The following SH3RF3 variants were observed in gnomAD, a reference collection of about 807,000 sequenced individuals.
The protein encoded by SH3RF3 is SH3 domain containing ring finger 3.
SH3RF3 carries 29 observed loss-of-function variants against 66.3 expected under a neutral mutation model. The ratio of observed to expected loss-of-function variants is 0.44; its 90% CI spans 0.33 to 0.60. SH3RF3 has a LOEUF of 0.60. SH3RF3 is among the 20% of genes least tolerant of loss of function. SH3RF3 has a pLI of 0.04. For synonymous variants in SH3RF3, 583 were observed against 532.0 expected (o/e 1.10, Z -1.32); for missense variants, 1,194 against 1,190.9 (o/e 1.00, Z -0.04).
intron 1 of SH3RF3, among the ~76,000 whole-genome samples, chr2:109,185,419 A>C (rs1267223580): frequency 6.6e-6 from 1 of 152,250 alleles, no homozygotes; most frequent in East Asian, 1.9e-4. Flanking sequence ...AAAAATTCTT[A>C]CTTTAAATCC....
intron 1 of SH3RF3, among the ~76,000 whole-genome samples, chr2:109,146,862 C>T (rs1432878925): frequency 8.4e-4 from 58 of 68,880 alleles, no homozygotes; most frequent in African/African-American, 1.4e-3. Context: ...TCCCTCTCTT[C>T]CCCTCTTCTC....
intron 5 of SH3RF3, among the ~76,000 whole-genome samples, chr2:109,428,074 G>A (rs58399658): frequency 0.035 from 5,313 of 152,302 alleles, 319 homozygotes; most frequent in African/African-American, 0.12. Context: ...CACTCCTGCT[G>A]TGGGTCTTCC....
Position 109,381,870 on chromosome 2 carries a change from A to G in SH3RF3, c.945+10189A>G, listed in dbSNP as rs575233468. On this transcript the variant is annotated intron_variant, in intron 3 of 9. Coordinates refer to ENST00000309415, the MANE Select transcript of SH3RF3 (RefSeq NM_001099289.3). ...GTTTGGGGGAAAGCTGTGCATGTTT[A>G]TAAGGGGAGCTGAGTGCATGTGCAA... Among the ~76,000 whole-genome samples, 3 of 152,148 alleles carry G rather than the reference A, an allele frequency of 2.0e-5. No homozygotes were observed. In the South Asian group the frequency reaches 6.2e-4, roughly 32 times the overall value.
At chr2:109,249,568 C>T (rs1385674053) in intron 1 of SH3RF3, among the ~76,000 whole-genome samples, 3 of 128,822 alleles carry the variant, frequency 2.3e-5, no homozygotes, top group South Asian at 2.4e-4. Context: ...TCCTTCCTTC[C>T]TTCCTTCCTT....
rs1296916710 is a variant in SH3RF3, at chr2:109,218,189, C to G, written c.573+88076C>G. 4.6e-5 allele frequency among the ~76,000 whole-genome samples: 7 copies of G among 151,968 alleles called. No individual in the cohort carries two copies. The East Asian group carries it at 1.4e-3, about 29-fold the overall frequency. ...AAATCCTGCCTGGCCTCACCAGTTT[C>G]TGAGGCACGTGACAAAATTTAGTTT... On this transcript the variant is annotated intron_variant, in intron 1 of 9. Coordinates refer to ENST00000309415, the MANE Select transcript of SH3RF3 (RefSeq NM_001099289.3).
At chr2:109,261,841 A>G (rs560979395) in intron 1 of SH3RF3, among the ~76,000 whole-genome samples, 2 of 152,238 alleles carry the variant, frequency 1.3e-5, no homozygotes, top group African/African-American at 4.8e-5. Context: ...ATAGTAGGGA[A>G]ACTGAGGCTT....
chr2:109,244,320 A>G (rs1679859617), intron 1 of SH3RF3, among the ~76,000 whole-genome samples: 2 of 152,218 alleles, frequency 1.3e-5, no homozygotes, highest in African/African-American at 4.8e-5. Flanking sequence ...TTTTGCATCT[A>G]GGAGCAGGTG....
intron 1 of SH3RF3, among the ~76,000 whole-genome samples, chr2:109,133,821 T>C (rs1676753963): frequency 1.3e-5 from 2 of 151,762 alleles, no homozygotes; most frequent in African/African-American, 4.8e-5. Context: ...TGCATTAGCA[T>C]AGTTGGGAAT....
chr2:109,406,754 G>A (rs1016558956), intron 4 of SH3RF3, among the ~76,000 whole-genome samples: 3 of 152,148 alleles, frequency 2.0e-5, no homozygotes, highest in Non-Finnish European at 2.9e-5. Flanking sequence ...CTGACTCCTG[G>A]TGTAGAATGT....
intron 3 of SH3RF3, among the ~76,000 whole-genome samples, chr2:109,397,191 C>T (rs1037551469): frequency 6.6e-6 from 1 of 152,132 alleles, no homozygotes; most frequent in African/African-American, 2.4e-5. Flanking sequence ...TCAGTTTCCG[C>T]TTGGTGAGGA....
chr2:109,144,045 G>A (rs908422767), intron 1 of SH3RF3, among the ~76,000 whole-genome samples: 1 of 152,020 alleles, frequency 6.6e-6, no homozygotes, highest in Non-Finnish European at 1.5e-5. Context: ...ACGAGGCGCC[G>A]GAAGTGTGGG....
chr2:109,347,545 G>A, intron 1 of SH3RF3, 129 bp from the exon 2 acceptor site: 1 of 1,245,532 alleles, frequency 8.0e-7, no homozygotes, highest in Admixed American at 2.8e-5. Context: ...TTTTCCACTT[G>A]CGGGGCACTC....
At chr2:109,234,749 A>C (rs1679603518) in intron 1 of SH3RF3, among the ~76,000 whole-genome samples, 1 of 152,222 alleles carries the variant, frequency 6.6e-6, no homozygotes, top group Admixed American at 6.5e-5. Flanking sequence ...GGAGCAGCAC[A>C]CACCACGTTT....
At chr2:109,359,466 C>G (rs1435851570) in intron 2 of SH3RF3, among the ~76,000 whole-genome samples, 2 of 152,128 alleles carry the variant, frequency 1.3e-5, no homozygotes, top group Non-Finnish European at 2.9e-5. Flanking sequence ...TTAATTTTCC[C>G]TATATACATC....
intron 4 of SH3RF3, among the ~76,000 whole-genome samples, chr2:109,406,328 T>G (rs1171791984): frequency 6.6e-6 from 1 of 152,044 alleles, no homozygotes; most frequent in Non-Finnish European, 1.5e-5. Context: ...TTTAGAAAAA[T>G]TTCCTCATAA....
Position 109,129,487 on chromosome 2 carries a change from A to G in SH3RF3, c.-54A>G. On this transcript the variant is annotated 5_prime_UTR_variant, in exon 1 of 10. Transcript: ENST00000309415. ...ATGCTGGCTGCCGGTGGCGGGCTCC[A>G]CGCCGGCCCCGGGACCTAGGCAGCC... is the stretch of plus-strand genomic sequence containing the variant. 2 of 1,494,602 alleles carry G rather than the reference A, an allele frequency of 1.3e-6. No individual in the cohort carries two copies. Among genetic ancestry groups the G allele is most frequent in the Non-Finnish European group, 1.8e-6 (2 of 1,128,120 alleles). 92.6% of individuals were successfully genotyped at this position (1,494,602 alleles called of 1,614,324 possible). A position where few individuals can be genotyped will look rare whatever the true frequency, so the allele number is the denominator to read the frequency against.
chr2:109,333,758 C>T (rs1338322287), intron 1 of SH3RF3, among the ~76,000 whole-genome samples: 1 of 152,154 alleles, frequency 6.6e-6, no homozygotes, highest in East Asian at 1.9e-4. Flanking sequence ...GCAGCATGAC[C>T]TTGAACATGT....
chr2:109,419,754 G>A, intron 5 of SH3RF3, 112 bp downstream of exon 5: 2 of 1,007,658 alleles, frequency 2.0e-6, no homozygotes, highest in Non-Finnish European at 2.9e-6. Context: ...TTACTAGTTG[G>A]CCAGTATAGT....
intron 8 of SH3RF3, among the ~76,000 whole-genome samples, chr2:109,478,701 G>C (rs919053143): frequency 6.6e-6 from 1 of 152,150 alleles, no homozygotes; most frequent in Non-Finnish European, 1.5e-5. Flanking sequence ...AAGGGAGAGA[G>C]GGGGAGAGTC....
Sources: gnomAD v4.1 joint callset for allele counts (sites outside exome capture counted in the v4.1 genomes callset) on GRCh38, gnomAD v4.1.1 for gene constraint, MANE v1.5 for transcripts, NCBI Gene and HGNC (gene_info 2026-07-23, HGNC 2026-07-21) for gene names.